F13A1: variants seen among roughly 807,000 people sequenced by gnomAD.
F13A1 encodes the protein coagulation factor XIII A chain.
F13A1 carries 47 observed loss-of-function variants against 80.1 expected under a neutral mutation model. The ratio of observed to expected loss-of-function variants is 0.59; its 90% CI spans 0.46 to 0.75. F13A1 has a LOEUF of 0.75. F13A1 is among the 30% of genes least tolerant of loss of function. The pLI, the probability that F13A1 is intolerant of heterozygous loss-of-function variation, is 0.00. For synonymous variants in F13A1, 349 were observed against 344.9 expected (o/e 1.01, Z -0.13); for missense variants, 817 against 930.4 (o/e 0.88, Z 1.59).
intron 2 of F13A1, among the ~76,000 whole-genome samples, chr6:6,316,749 G>A (rs1758691358): frequency 6.6e-6 from 1 of 152,200 alleles, no homozygotes; most frequent in Non-Finnish European, 1.5e-5. Context: ...GTCACGTGCT[G>A]TGGGTCAGAC....
At chr6:6,230,257 C>G (rs1023004467) in intron 6 of F13A1, among the ~76,000 whole-genome samples, 1 of 152,018 alleles carries the variant, frequency 6.6e-6, no homozygotes, top group African/African-American at 2.4e-5. Flanking sequence ...GAGGGGGGCA[C>G]GGTGGGAGTG....
rs180820324 is a variant in F13A1 at position 6,175,411 on chromosome 6, C to T, written c.1460-544G>A. On this transcript the variant is annotated intron_variant, in intron 11 of 14. Coordinates refer to ENST00000264870, the MANE Select transcript of F13A1 (RefSeq NM_000129.4). ...AGCTGACCCTTGAGGGCTCCTGCCC[C>T]GTTCTTCCCTATCTCACTCAATTGC... is the stretch of plus-strand genomic sequence containing the variant. Among the ~76,000 whole-genome samples the T allele has an allele frequency of 3.6e-4, 55 of 152,298 alleles. No homozygotes were observed. The East Asian group carries it at 0.01, about 28-fold the overall frequency.
intron 2 of F13A1, among the ~76,000 whole-genome samples, chr6:6,316,223 A>C (rs1366682352): frequency 1.4e-5 from 2 of 145,628 alleles, no homozygotes; most frequent in East Asian, 4.1e-4. Context: ...AGCATGTAAC[A>C]CTTATCTTGT....
At chr6:6,175,555 G>A (rs189157479) in intron 11 of F13A1, among the ~76,000 whole-genome samples, 50 of 152,306 alleles carry the variant, frequency 3.3e-4, no homozygotes, top group African/African-American at 8.7e-4. Context: ...AAGGTGCTCC[G>A]GTCAGATCCC....
intron 10 of F13A1, 49 bp downstream of exon 10, chr6:6,195,748 T>G (rs1484919256): frequency 6.5e-7 from 1 of 1,529,734 alleles, no homozygotes; most frequent in Non-Finnish European, 9.0e-7. Context: ...CTTTCATGTG[T>G]TAAGAGGTTG....
At chr6:6,248,571 A>C in intron 5 of F13A1, 152 bp from the exon 6 acceptor site, 4 of 680,796 alleles carry the variant, frequency 5.9e-6, no homozygotes, top group Admixed American at 2.3e-5. Context: ...TGAAATATTA[A>C]AGTAGAAGGA....
intron 6 of F13A1, among the ~76,000 whole-genome samples, chr6:6,239,297 A>G (rs1032625910): frequency 6.6e-6 from 1 of 152,184 alleles, no homozygotes; most frequent in Non-Finnish European, 1.5e-5. Flanking sequence ...GCAAGAAATC[A>G]GAATAGTAGC....
intron 12 of F13A1, among the ~76,000 whole-genome samples, chr6:6,174,357 T>C (rs1760836443): frequency 6.6e-6 from 1 of 151,754 alleles, no homozygotes; most frequent in Non-Finnish European, 1.5e-5. Flanking sequence ...CGCATTGCAC[T>C]CCAGCCTGGG....
At position 6,206,397 on chromosome 6, in the gene F13A1, A is replaced by C. The variant is rs141708497; in HGVS notation, c.1113-9071T>G. Reference sequence around the variant, plus strand: ...TTATGATTAACCAGAACATGATTCCATTGCCATATGGAGTGTTTTCTATGT... The same window carrying C: ...TTATGATTAACCAGAACATGATTCCCTTGCCATATGGAGTGTTTTCTATGT... On this transcript the variant is annotated intron_variant, in intron 8 of 14. Coordinates refer to ENST00000264870, the MANE Select transcript of F13A1 (RefSeq NM_000129.4). 3 of 454,464 alleles carry C rather than the reference A, an allele frequency of 6.6e-6. No individual in the cohort carries two copies. In the Admixed American group the frequency reaches 7.2e-5, roughly 11 times the overall value. The allele number at this position is 454,464 out of a possible 1,614,324, so 28.2% of individuals were successfully genotyped here.
chr6:6,275,901 T>C (rs979577775), intron 3 of F13A1, among the ~76,000 whole-genome samples: 3 of 152,226 alleles, frequency 2.0e-5, no homozygotes, highest in Non-Finnish European at 4.4e-5. Context: ...AGACAGGATA[T>C]TTTTAGTCTT....
At chr6:6,295,650 T>C (rs1291034721) in intron 3 of F13A1, among the ~76,000 whole-genome samples, 2 of 144,200 alleles carry the variant, frequency 1.4e-5, no homozygotes, top group Non-Finnish European at 3.0e-5. Context: ...TATTAGCCCT[T>C]TGTCAGATGA....
At chr6:6,290,901 C>T (rs1309408527) in intron 3 of F13A1, among the ~76,000 whole-genome samples, 1 of 152,158 alleles carries the variant, frequency 6.6e-6, no homozygotes, top group Non-Finnish European at 1.5e-5. Flanking sequence ...GTTATCTACA[C>T]GTTACAAGCT....
intron 6 of F13A1, among the ~76,000 whole-genome samples, chr6:6,239,720 G>A (rs1241008140): frequency 2.1e-5 from 3 of 145,018 alleles, no homozygotes; most frequent in African/African-American, 7.8e-5. Flanking sequence ...GACTGAGAGA[G>A]AAAACTGAGA....
intron 4 of F13A1, among the ~76,000 whole-genome samples, chr6:6,260,906 G>A (rs541572457): frequency 1.3e-5 from 2 of 152,284 alleles, no homozygotes; most frequent in South Asian, 2.1e-4. Flanking sequence ...ATTAGGTTCA[G>A]GGTAGAGCCA....
intron 12 of F13A1, among the ~76,000 whole-genome samples, chr6:6,172,448 A>AGT (rs1306820861): frequency 1.3e-5 from 1 of 79,464 alleles, no homozygotes; most frequent in Non-Finnish European, 2.3e-5. Context: ...AAAACACTAT[A>AGT]GTGTTTTTTT....
intron 11 of F13A1, 128 bp from the exon 12 acceptor site, chr6:6,174,995 G>C (rs1336741297): frequency 1.8e-6 from 2 of 1,124,580 alleles, no homozygotes; most frequent in East Asian, 2.5e-5. Context: ...ACCTCCCCAG[G>C]AGGAGGGTGC....
rs1264941291 is a variant in F13A1 at position 6,174,757 on chromosome 6, C to T, written c.1570G>A (p.Glu524Lys). Residue 524 changes from glutamate (E) to lysine (K), a missense_variant, in exon 12 of 15, where the codon GAA becomes AAA. By Grantham distance (56) the Glu-to-Lys change is moderately conservative. Coordinates refer to ENST00000264870, the MANE Select transcript of F13A1 (RefSeq NM_000129.4). ...TTTCCCAGCACAGCATTTTCCACTT[C>T]AAAGTCCATGTCAACGTTGGACCTT... ...KSRSNVDMDF[E>K]VENAVLGKDF... The T allele has an allele frequency of 1.6e-5, 26 of 1,614,098 alleles. No individual in the cohort carries two copies. The highest frequency in any genetic ancestry group is 2.2e-5 in the Non-Finnish European group (26 of 1,180,034).
intron 11 of F13A1, 85 bp from the exon 12 acceptor site, chr6:6,174,952 C>A (rs1218082409): frequency 6.6e-6 from 10 of 1,505,882 alleles, no homozygotes; most frequent in African/African-American, 1.4e-5. Flanking sequence ...GTGTACTGCA[C>A]TTGTTGGGGT....
chr6:6,178,380 A>T (rs188230789), intron 11 of F13A1, among the ~76,000 whole-genome samples: 134 of 152,278 alleles, frequency 8.8e-4, no homozygotes, highest in African/African-American at 3.1e-3. Flanking sequence ...TGCATTCGAG[A>T]ACAATTTCAG....
Sources: gnomAD v4.1 joint callset for allele counts (sites outside exome capture counted in the v4.1 genomes callset) on GRCh38, gnomAD v4.1.1 for gene constraint, MANE v1.5 for transcripts, NCBI Gene and HGNC (gene_info 2026-07-23, HGNC 2026-07-21) for gene names.